The following TBC1D19 variants were observed in gnomAD, a reference collection of about 807,000 sequenced individuals.
TBC1D19 encodes the protein TBC1 domain family member 19.
TBC1D19 carries 60 observed loss-of-function variants against 89.0 expected under a neutral mutation model. That is an observed-to-expected ratio of 0.67 (90% CI 0.55 to 0.84). TBC1D19 has a LOEUF of 0.84. TBC1D19 is among the 40% of genes least tolerant of loss of function. TBC1D19 has a pLI of 0.00. For synonymous variants in TBC1D19, 189 were observed against 199.7 expected, an observed-to-expected ratio of 0.95 and a Z score of 0.45; for missense variants, 500 against 610.8, an observed-to-expected ratio of 0.82 and a Z score of 1.91.
the TBC1D19 span, among the ~76,000 whole-genome samples, chr4:26,854,532 G>T: frequency 6.6e-6 from 1 of 152,216 alleles, no homozygotes. Context: ...TACTATCCAG[G>T]AACTTTACAC....
At chr4:26,768,664 A>C in the TBC1D19 span, among the ~76,000 whole-genome samples, 1 of 152,188 alleles carries the variant, frequency 6.6e-6, no homozygotes, top group African/African-American at 2.4e-5. Context: ...GATTTAAAAA[A>C]TAGTGTCTAA....
intron 9 of TBC1D19, among the ~76,000 whole-genome samples, chr4:26,667,549 T>C (rs1385802441): frequency 6.6e-6 from 1 of 152,114 alleles, no homozygotes; most frequent in Non-Finnish European, 1.5e-5. Flanking sequence ...TGCTTTCTGG[T>C]GTTCCACTGG....
At chr4:26,652,653 G>A (rs968143607) in intron 7 of TBC1D19, among the ~76,000 whole-genome samples, 1 of 152,168 alleles carries the variant, frequency 6.6e-6, no homozygotes, top group African/African-American at 2.4e-5. Flanking sequence ...GTTTATTTGT[G>A]TAGAGGTGTT....
upstream of TBC1D19, chr4:26,584,052 A>G: frequency 1.3e-6 from 1 of 754,584 alleles, no homozygotes; most frequent in Non-Finnish European, 2.2e-6. Flanking sequence ...AAGGCTCGGC[A>G]GTTGCCTGGT....
At chr4:26,851,307 A>ATCTATCTATCTG in the TBC1D19 span, among the ~76,000 whole-genome samples, 404 of 45,462 alleles carry the variant, frequency 8.9e-3, 2 homozygotes, top group African/African-American at 0.027. Context: ...TAAATACCCT[A>ATCTATCTATCTG]TCTATCTATC....
At chr4:26,642,909 GAAGCACC>G (rs1237275038) in intron 7 of TBC1D19, among the ~76,000 whole-genome samples, 1 of 152,112 alleles carries the variant, frequency 6.6e-6, no homozygotes, top group East Asian at 1.9e-4. Flanking sequence ...ACCCAATATA[GAAGCACC>G]CAGATTCAAA....
chr4:26,814,817 T>C, the TBC1D19 span, among the ~76,000 whole-genome samples: 1 of 152,130 alleles, frequency 6.6e-6, no homozygotes, highest in East Asian at 1.9e-4. Flanking sequence ...GGCCAGGAGT[T>C]CAAGACCAGC....
intron 17 of TBC1D19, among the ~76,000 whole-genome samples, chr4:26,741,413 G>A (rs1032694993): frequency 1.3e-5 from 2 of 149,088 alleles, no homozygotes; most frequent in African/African-American, 4.9e-5. Context: ...CTGATATTCA[G>A]TTCTAAGTAT....
At chr4:26,688,915 T>C (rs1304944489) in intron 13 of TBC1D19, among the ~76,000 whole-genome samples, 1 of 152,082 alleles carries the variant, frequency 6.6e-6, no homozygotes, top group African/African-American at 2.4e-5. Context: ...ATGTAATTTA[T>C]ATAGAATTGC....
At chr4:26,583,659 C>T (rs138073197), upstream of TBC1D19, among the ~76,000 whole-genome samples, 2 of 152,264 alleles carry the variant, frequency 1.3e-5, no homozygotes, top group African/African-American at 2.4e-5. Context: ...CGATTTTTAC[C>T]TCAGCTAATC....
the TBC1D19 span, among the ~76,000 whole-genome samples, chr4:26,768,753 A>G: frequency 6.6e-6 from 1 of 152,248 alleles, no homozygotes; most frequent in South Asian, 2.1e-4. Context: ...AAATATTGCA[A>G]TAGAAACTAT....
the TBC1D19 span, among the ~76,000 whole-genome samples, chr4:26,854,822 C>T: frequency 6.6e-6 from 1 of 151,552 alleles, no homozygotes; most frequent in Admixed American, 6.6e-5. Context: ...GACAGTGGCA[C>T]CCATTCACTT....
At chr4:26,807,354 G>A in the TBC1D19 span, among the ~76,000 whole-genome samples, 3 of 152,318 alleles carry the variant, frequency 2.0e-5, no homozygotes, top group South Asian at 2.1e-4. Flanking sequence ...AATGAAAGCC[G>A]TTGAAACCCA....
the TBC1D19 span, among the ~76,000 whole-genome samples, chr4:26,811,072 A>C: frequency 3.5e-4 from 53 of 152,368 alleles, no homozygotes; most frequent in East Asian, 9.8e-3. Context: ...TTATTGCAGC[A>C]CTATTTACAA....
rs955494607 is a variant in TBC1D19, at chr4:26,754,929, G to C, written c.1563G>C (p.Leu521=). The C allele has an allele frequency of 2.5e-6, 4 of 1,605,286 alleles. No homozygotes were observed. The highest frequency in any genetic ancestry group is 3.4e-6 in the Non-Finnish European group (4 of 1,177,164). The change falls in exon 21 of 21, where the codon CTG becomes CTC. Residue 521 remains leucine (L), a synonymous_variant. Coordinates refer to ENST00000264866, the MANE Select transcript of TBC1D19 (RefSeq NM_018317.4). ...LKVMPLLQIF[L]FATVT is the part of the protein sequence containing the mutation. ...TTATGCCTCTTCTTCAGATTTTTCTGTTTGCTACTGTCACCTGATCTTCTT... is the reference window on the plus strand; with the variant it reads ...TTATGCCTCTTCTTCAGATTTTTCTCTTTGCTACTGTCACCTGATCTTCTT...
Position 26,735,468 on chromosome 4 carries a change from T to C in TBC1D19, c.1098T>C (p.Phe366=). Residue 366 remains phenylalanine (F), a synonymous_variant, in exon 16 of 21, where the codon TTT becomes TTC. Transcript: ENST00000264866. The part of the protein sequence containing the change: ...VFYPPNGVIP[F]HGFSMYVAPL... ...TTTTTTTTTTAGGTGTTATCCCTTT[T>C]CATGGATTTTCAATGTATGGTAAGT... 7 of 1,566,764 alleles carry C rather than the reference T, an allele frequency of 4.5e-6. No individual in the cohort carries two copies. The highest frequency in any genetic ancestry group is 6.1e-6 in the Non-Finnish European group (7 of 1,151,650).
At chr4:26,772,677 G>A in the TBC1D19 span, among the ~76,000 whole-genome samples, 2 of 152,024 alleles carry the variant, frequency 1.3e-5, no homozygotes, top group African/African-American at 4.8e-5. Flanking sequence ...GTGTCCATGT[G>A]TTTTCATTGT....
intron 9 of TBC1D19, among the ~76,000 whole-genome samples, chr4:26,669,509 G>A (rs1427451236): frequency 6.6e-6 from 1 of 151,794 alleles, no homozygotes; most frequent in Non-Finnish European, 1.5e-5. Flanking sequence ...GAATTAGAGT[G>A]TAAGTTGGAG....
chr4:26,596,765 C>T (rs1403404628), intron 1 of TBC1D19, among the ~76,000 whole-genome samples: 1 of 151,996 alleles, frequency 6.6e-6, no homozygotes, highest in African/African-American at 2.4e-5. Flanking sequence ...GACTGCATTC[C>T]ACAGTCCTAA....
Sources: allele counts gnomAD v4.1 joint callset (sites outside exome capture counted in the v4.1 genomes callset), GRCh38; gene constraint gnomAD v4.1.1; transcripts MANE v1.5; gene names NCBI Gene and HGNC (gene_info 2026-07-23, HGNC 2026-07-21).